Variants in UGT1A7 observed in about 807,000 individuals in gnomAD.
The protein encoded by UGT1A7 is UDP-glucuronosyltransferase 1A7.
A neutral mutation model predicts 45.6 loss-of-function variants in UGT1A7; 33 were observed. The ratio of observed to expected loss-of-function variants is 0.72; its 90% confidence interval spans 0.55 to 0.97. The LOEUF (loss-of-function observed/expected upper bound fraction) is 0.97, where lower values mean the gene tolerates loss of function less well. UGT1A7 is among the 50% of genes least tolerant of loss of function. The pLI is 0.00. For missense variants in UGT1A7, 684 were observed against 666.2 expected, an observed-to-expected ratio of 1.03 and a Z score of -0.29; for synonymous variants, 274 against 250.6, an observed-to-expected ratio of 1.09 and a Z score of -0.88.
intron 1 of UGT1A7, chr2:233,693,522 G>A (rs2075160546): frequency 1.2e-6 from 2 of 1,614,162 alleles, no homozygotes; most frequent in Middle Eastern, 1.6e-4. Flanking sequence ...CTCTTCAGGG[G>A]TTTTCCGTGT....
At chr2:233,687,451 C>T (rs1271564164) in intron 1 of UGT1A7, among the ~76,000 whole-genome samples, 2 of 152,024 alleles carry the variant, frequency 1.3e-5, no homozygotes, top group Non-Finnish European at 2.9e-5. Flanking sequence ...TAAGTATTTA[C>T]ATGGAAGCTG....
At chr2:233,739,452 G>C (rs115541121) in intron 1 of UGT1A7, among the ~76,000 whole-genome samples, 1,700 of 152,308 alleles carry the variant, frequency 0.011, 37 homozygotes, top group African/African-American at 0.039. Flanking sequence ...AAGCCACAGG[G>C]TTGGAGCTGC....
At chr2:233,763,748 T>A (rs1698392875) in intron 1 of UGT1A7, among the ~76,000 whole-genome samples, 1 of 152,112 alleles carries the variant, frequency 6.6e-6, no homozygotes, top group African/African-American at 2.4e-5. Flanking sequence ...GTGTCTTTGG[T>A]GTGTCTGAAG....
intron 1 of UGT1A7, among the ~76,000 whole-genome samples, chr2:233,712,596 T>C (rs897261003): frequency 1.3e-5 from 2 of 152,068 alleles, no homozygotes; most frequent in African/African-American, 2.4e-5. Context: ...GACCATATGG[T>C]TGGGGACTAG....
At chr2:233,700,178 C>A (rs1315960228) in intron 1 of UGT1A7, among the ~76,000 whole-genome samples, 2 of 152,190 alleles carry the variant, frequency 1.3e-5, no homozygotes, top group Non-Finnish European at 2.9e-5. Context: ...CTCATTCAGG[C>A]TGAAATCTCA....
intron 1 of UGT1A7, among the ~76,000 whole-genome samples, chr2:233,732,156 ATTTG>A: frequency 6.6e-6 from 1 of 152,010 alleles, no homozygotes; most frequent in Non-Finnish European, 1.5e-5. Context: ...TTTCTTGTAA[ATTTG>A]TTTGAGTTCT....
chr2:233,762,443 C>A (rs1698075308), intron 1 of UGT1A7, among the ~76,000 whole-genome samples: 1 of 152,222 alleles, frequency 6.6e-6, no homozygotes, highest in Non-Finnish European at 1.5e-5. Flanking sequence ...TGTATTCCCA[C>A]TGCCCACTTA....
intron 1 of UGT1A7, among the ~76,000 whole-genome samples, chr2:233,725,696 T>C (rs1461246019): frequency 6.6e-6 from 1 of 152,258 alleles, no homozygotes; most frequent in Non-Finnish European, 1.5e-5. Context: ...AATAGTCATA[T>C]GTAGTTAGTG....
chr2:233,749,380 T>C (rs1225630422), intron 1 of UGT1A7, among the ~76,000 whole-genome samples: 2 of 151,870 alleles, frequency 1.3e-5, no homozygotes, highest in African/African-American at 4.9e-5. Context: ...TTCTTCCAGT[T>C]TTTCAATGTG....
rs748312347 is a variant in UGT1A7, at chr2:233,682,293, TA to T, written c.357del (p.Leu119PhefsTer15). 2 of 1,614,086 alleles carry T rather than the reference TA, an allele frequency of 1.2e-6. No individual in the cohort carries two copies. Among genetic ancestry groups the T allele is most frequent in the Non-Finnish European group, 1.7e-6 (2 of 1,180,042 alleles). ...AGTTCATCCAATGGTATTTTTGACT[TA>T]TTTTTTTCAAATTGCAGGAGTTTGT... ...LTSSSNGIFD[L>X]FFSNCRSLFN... is the part of the protein sequence containing the mutation. On this transcript the variant is annotated frameshift_variant, in exon 1 of 5. Coordinates refer to ENST00000373426, the MANE Select transcript of UGT1A7 (RefSeq NM_019077.3). LOFTEE classifies it high-confidence loss of function.
chr2:233,707,658 T>C (rs988714279), intron 1 of UGT1A7, among the ~76,000 whole-genome samples: 2 of 152,184 alleles, frequency 1.3e-5, no homozygotes, highest in South Asian at 4.1e-4. Context: ...ACCACAATTT[T>C]ATTTATCCAT....
intron 1 of UGT1A7, among the ~76,000 whole-genome samples, chr2:233,737,688 T>C (rs2078910745): frequency 6.6e-6 from 1 of 152,202 alleles, no homozygotes; most frequent in Non-Finnish European, 1.5e-5. Context: ...TGGCCATTGG[T>C]GCTGAAGCTT....
chr2:233,746,674 G>T (rs1328656193), intron 1 of UGT1A7, among the ~76,000 whole-genome samples: 1 of 151,722 alleles, frequency 6.6e-6, no homozygotes, highest in South Asian at 2.1e-4. Context: ...TAGCATAGTA[G>T]GTAGGGCTCA....
At chr2:233,726,177 A>G (rs2077512621) in intron 1 of UGT1A7, among the ~76,000 whole-genome samples, 2 of 152,148 alleles carry the variant, frequency 1.3e-5, no homozygotes, top group South Asian at 4.2e-4. Context: ...AAAAAATAAA[A>G]ATTTCTTTGG....
chr2:233,745,257 G>A (rs1693056252), intron 1 of UGT1A7, among the ~76,000 whole-genome samples: 1 of 151,828 alleles, frequency 6.6e-6, no homozygotes, highest in African/African-American at 2.4e-5. Context: ...AAACCATTAA[G>A]ACTTGCAGGC....
chr2:233,698,902 C>A (rs1021221602), intron 1 of UGT1A7, among the ~76,000 whole-genome samples: 2 of 152,214 alleles, frequency 1.3e-5, no homozygotes, highest in Non-Finnish European at 2.9e-5. Flanking sequence ...GCCTCCTCTG[C>A]CCAAGGAGGG....
chr2:233,747,363 C>T, intron 1 of UGT1A7: 9 of 1,603,782 alleles, frequency 5.6e-6, no homozygotes, highest in South Asian at 1.1e-5. Context: ...CGTGCGGGAG[C>T]TCCATGCCAG....
At chr2:233,752,961 T>G (rs1695097435) in intron 1 of UGT1A7, among the ~76,000 whole-genome samples, 1 of 152,248 alleles carries the variant, frequency 6.6e-6, no homozygotes, top group African/African-American at 2.4e-5. Context: ...ATGGGATTTA[T>G]GTAACCAATT....
chr2:233,772,563 G>A lies in UGT1A7; in HGVS notation c.*4G>A. ...CCACAAATCCAAGACCCATTGAGAA[G>A]TGGGTGGGAAATAAGGTAAAATTTT... On this transcript the variant is annotated 3_prime_UTR_variant, in exon 5 of 5. Transcript: ENST00000373426. 2 of 1,613,538 alleles carry A rather than the reference G, an allele frequency of 1.2e-6. No homozygotes were observed. Among genetic ancestry groups the A allele is most frequent in the Middle Eastern group, 1.6e-4 (1 of 6,062 alleles).
Sources: gnomAD v4.1 joint callset for allele counts (sites outside exome capture counted in the v4.1 genomes callset) on GRCh38, gnomAD v4.1.1 for gene constraint, MANE v1.5 for transcripts, NCBI Gene and HGNC (gene_info 2026-07-23, HGNC 2026-07-21) for gene names.